Variants in MACROD2 observed in about 807,000 individuals in gnomAD.
The protein encoded by MACROD2 is ADP-ribose glycohydrolase MACROD2.
MACROD2 carries 36 observed loss-of-function variants against 70.4 expected under a neutral mutation model. The ratio of observed to expected loss-of-function variants is 0.51; its 90% CI spans 0.39 to 0.68. MACROD2 has a LOEUF of 0.68. Ranked by LOEUF, MACROD2 falls within the 30% of genes least tolerant of loss-of-function variation. The pLI is 0.00. For synonymous variants in MACROD2, 172 were observed against 178.8 expected (o/e 0.96, Z 0.30); for missense variants, 496 against 538.4 (o/e 0.92, Z 0.78).
intron 7 of MACROD2, among the ~76,000 whole-genome samples, chr20:15,493,906 T>C (rs549089858): frequency 2.6e-5 from 4 of 152,132 alleles, no homozygotes; most frequent in Non-Finnish European, 5.9e-5. Flanking sequence ...ACCTAATGAG[T>C]TATTTGATGT....
chr20:14,909,599 G>A (rs979961878), intron 5 of MACROD2, among the ~76,000 whole-genome samples: 1 of 151,960 alleles, frequency 6.6e-6, no homozygotes. Flanking sequence ...TATAGCTGCT[G>A]TGCAAAGAAG....
rs900574886 is a variant in MACROD2 at position 14,023,991 on chromosome 20, A to G, written c.163+21587A>G. The stretch of plus-strand genomic sequence containing the variant: ...ATTGAATCTATAAATTACTTTGGGT[A>G]GTATGGCCATTTTCACGATACTGAT... On this transcript the variant is annotated intron_variant, in intron 2 of 17. Coordinates refer to ENST00000684519, the MANE Select transcript of MACROD2 (RefSeq NM_001351661.2). Among the ~76,000 whole-genome samples, 57 of 152,328 alleles carry G rather than the reference A, an allele frequency of 3.7e-4. No individual in the cohort carries two copies. The Middle Eastern group carries it at 0.01, about 27-fold the overall frequency.
At chr20:14,175,913 C>T (rs780262714) in intron 3 of MACROD2, among the ~76,000 whole-genome samples, 1 of 152,082 alleles carries the variant, frequency 6.6e-6, no homozygotes, top group Non-Finnish European at 1.5e-5. Context: ...GATTGCCAAC[C>T]TAATGTCTTA....
chr20:14,928,746 T>TAATCTC lies in MACROD2; in HGVS notation c.418+243790_418+243791insCTCAAT, dbSNP rs530285366. Among the ~76,000 whole-genome samples the TAATCTC allele has an allele frequency of 9.9e-5, 15 of 152,266 alleles. 1 individual carries two copies. The East Asian group carries it at 2.7e-3, about 27-fold the overall frequency. ...CATGAAACAACCATGAAAAATCATA[T>TAATCTC]AATATGGGTTACATTCCCAACCCAC... On this transcript the variant is annotated intron_variant, in intron 5 of 17. Transcript: ENST00000684519.
chr20:14,946,752 C>T (rs1253755069), intron 5 of MACROD2, among the ~76,000 whole-genome samples: 2 of 152,120 alleles, frequency 1.3e-5, no homozygotes, highest in Non-Finnish European at 2.9e-5. Flanking sequence ...TGGCAGGCAC[C>T]TAGCACACTC....
intron 5 of MACROD2, among the ~76,000 whole-genome samples, chr20:14,793,686 C>T (rs924085438): frequency 6.6e-6 from 1 of 151,960 alleles, no homozygotes; most frequent in Non-Finnish European, 1.5e-5. Context: ...TCCAAAAGCT[C>T]GAAGAAAAGA....
intron 2 of MACROD2, among the ~76,000 whole-genome samples, chr20:14,025,125 C>A (rs2053143740): frequency 6.6e-6 from 1 of 152,094 alleles, no homozygotes; most frequent in African/African-American, 2.4e-5. Flanking sequence ...GGAATTTCTC[C>A]ATTTCTTCTA....
intron 5 of MACROD2, among the ~76,000 whole-genome samples, chr20:14,968,510 A>G (rs2074659349): frequency 6.6e-6 from 1 of 152,136 alleles, no homozygotes; most frequent in Non-Finnish European, 1.5e-5. Context: ...TCCAGGCATC[A>G]GTTGTAAAAA....
At chr20:14,068,114 A>G (rs1044967890) in intron 2 of MACROD2, among the ~76,000 whole-genome samples, 3 of 152,226 alleles carry the variant, frequency 2.0e-5, no homozygotes, top group South Asian at 2.1e-4. Flanking sequence ...TCTCATGCGC[A>G]TGATTTTTCT....
chr20:15,194,452 A>T (rs2076592406), intron 5 of MACROD2, among the ~76,000 whole-genome samples: 1 of 152,060 alleles, frequency 6.6e-6, no homozygotes, highest in African/African-American at 2.4e-5. Flanking sequence ...TTCTACTTTG[A>T]AAACTTCTAG....
At position 15,678,780 on chromosome 20, in the gene MACROD2, G is replaced by A. The variant is rs557917307; in HGVS notation, c.645+178933G>A. Among the ~76,000 whole-genome samples, 7 of 139,096 alleles carry A rather than the reference G, an allele frequency of 5.0e-5. No individual in the cohort carries two copies. In the South Asian group the frequency reaches 1.4e-3, roughly 28 times the overall value. 91.3% of individuals were successfully genotyped at this position (139,096 alleles called of 152,430 possible). On this transcript the variant is annotated intron_variant, in intron 8 of 17. Transcript: ENST00000684519. Reference sequence around the variant, plus strand: ...GGTATGGCAGGATGGGAGTGTAGTGGGCACAGTGGTGTGTTGGGAAACTGA... The same window carrying A: ...GGTATGGCAGGATGGGAGTGTAGTGAGCACAGTGGTGTGTTGGGAAACTGA...
chr20:16,012,560 C>T (rs554109374), intron 15 of MACROD2, among the ~76,000 whole-genome samples: 20 of 152,298 alleles, frequency 1.3e-4, no homozygotes, highest in African/African-American at 4.1e-4. Context: ...TGGCCTTTCC[C>T]GCTTCTCAAT....
chr20:14,286,407 T>C (rs2082345387), intron 3 of MACROD2, among the ~76,000 whole-genome samples: 1 of 152,178 alleles, frequency 6.6e-6, no homozygotes, highest in African/African-American at 2.4e-5. Flanking sequence ...GTTTTTGTTA[T>C]AATAGCTGGC....
chr20:16,000,324 C>A (rs1214326542), intron 15 of MACROD2, among the ~76,000 whole-genome samples: 1 of 152,188 alleles, frequency 6.6e-6, no homozygotes, highest in Non-Finnish European at 1.5e-5. Flanking sequence ...TCTCACAATG[C>A]CATGCCCTTC....
Position 14,061,003 on chromosome 20 carries a change from G to C in MACROD2, c.164-24618G>C, listed in dbSNP as rs563633250. ...AATCCTTATACACTAAACAAAAAAG[G>C]GGGGAGTGTGTATATAATAAAGCAT... On this transcript the variant is annotated intron_variant, in intron 2 of 17. Coordinates refer to ENST00000684519, the MANE Select transcript of MACROD2 (RefSeq NM_001351661.2). Among the ~76,000 whole-genome samples the C allele has an allele frequency of 4.6e-5, 7 of 152,156 alleles. No individual in the cohort carries two copies. The South Asian group carries it at 1.5e-3, about 32-fold the overall frequency.
intron 8 of MACROD2, among the ~76,000 whole-genome samples, chr20:15,609,167 C>T (rs2048932876): frequency 6.6e-6 from 1 of 152,172 alleles, no homozygotes; most frequent in African/African-American, 2.4e-5. Context: ...CCCCCAGGTG[C>T]TCTGGGATGG....
At chr20:15,745,412 G>A (rs73246211) in intron 8 of MACROD2, among the ~76,000 whole-genome samples, 11,134 of 152,120 alleles carry the variant, frequency 0.073, 1,364 homozygotes, top group African/African-American at 0.25. Flanking sequence ...TCATTCGACT[G>A]AAGTGCTTTT....
At chr20:14,005,757 C>T (rs546207700) in intron 2 of MACROD2, among the ~76,000 whole-genome samples, 2 of 152,180 alleles carry the variant, frequency 1.3e-5, no homozygotes, top group South Asian at 2.1e-4. Context: ...CGTGCCACCA[C>T]GCCTGACTAA....
At chr20:15,212,251 A>C (rs1204529522) in intron 5 of MACROD2, among the ~76,000 whole-genome samples, 1 of 152,090 alleles carries the variant, frequency 6.6e-6, no homozygotes, top group Non-Finnish European at 1.5e-5. Context: ...TGGCCTGTTC[A>C]CTTTTTGGCT....
Sources: gnomAD v4.1 joint callset for allele counts (sites outside exome capture counted in the v4.1 genomes callset) on GRCh38, gnomAD v4.1.1 for gene constraint, MANE v1.5 for transcripts, NCBI Gene and HGNC (gene_info 2026-07-23, HGNC 2026-07-21) for gene names.